Variants in RNF150 observed in about 807,000 individuals in gnomAD.
RNF150 encodes the protein ring finger protein 150.
RNF150 carries 24 observed loss-of-function variants against 39.3 expected under a neutral mutation model. That is an observed-to-expected ratio of 0.61 (90% CI 0.44 to 0.86). The LOEUF (loss-of-function observed/expected upper bound fraction) is 0.86, where lower values mean the gene tolerates loss of function less well. RNF150 is among the 40% of genes least tolerant of loss of function. RNF150 has a pLI of 0.00. For synonymous variants in RNF150, 255 were observed against 227.3 expected, an observed-to-expected ratio of 1.12 and a Z score of -1.10; for missense variants, 502 against 587.8, an observed-to-expected ratio of 0.85 and a Z score of 1.51.
At chr4:141,142,109 T>C (rs1278353278) in intron 1 of RNF150, among the ~76,000 whole-genome samples, 1 of 152,138 alleles carries the variant, frequency 6.6e-6, no homozygotes, top group African/African-American at 2.4e-5. Flanking sequence ...TTCCCTCCTG[T>C]CATGCCTTCC....
intron 3 of RNF150, 36 bp downstream of exon 3, chr4:140,949,265 T>A (rs759419357): frequency 6.5e-7 from 1 of 1,537,014 alleles, no homozygotes; most frequent in South Asian, 1.2e-5. Flanking sequence ...CTTCTTTGAA[T>A]AGCTCCTCAC....
intron 6 of RNF150, among the ~76,000 whole-genome samples, chr4:140,883,031 G>T (rs1468637607): frequency 6.6e-6 from 1 of 150,630 alleles, no homozygotes; most frequent in Non-Finnish European, 1.5e-5. Context: ...TATATACTTT[G>T]ATTTGTTTCT....
chr4:141,151,111 T>C (rs1235773175), intron 1 of RNF150, among the ~76,000 whole-genome samples: 1 of 151,938 alleles, frequency 6.6e-6, no homozygotes, highest in Non-Finnish European at 1.5e-5. Context: ...GGCTAAGTTT[T>C]TAATATTTTT....
intron 1 of RNF150, among the ~76,000 whole-genome samples, chr4:140,992,018 T>C (rs1365368307): frequency 1.3e-5 from 2 of 152,108 alleles, no homozygotes; most frequent in African/African-American, 4.8e-5. Flanking sequence ...ACTAATAATA[T>C]CTGAAAAATT....
intron 6 of RNF150, among the ~76,000 whole-genome samples, chr4:140,891,515 C>T (rs1729753103): frequency 2.0e-5 from 3 of 152,146 alleles, no homozygotes; most frequent in African/African-American, 7.2e-5. Context: ...CTGCAACAAG[C>T]CCAGCTGAGA....
At chr4:140,903,760 A>AATC (rs1169724305) in intron 6 of RNF150, among the ~76,000 whole-genome samples, 1 of 152,234 alleles carries the variant, frequency 6.6e-6, no homozygotes, top group African/African-American at 2.4e-5. Context: ...GAATGGATTT[A>AATC]ATCTGTTGGC....
chr4:140,955,101 G>A (rs1472310858), intron 2 of RNF150, among the ~76,000 whole-genome samples: 1 of 152,188 alleles, frequency 6.6e-6, no homozygotes, highest in Non-Finnish European at 1.5e-5. Context: ...AAGAGTGACT[G>A]AAACGTTTTC....
At chr4:140,887,305 G>A (rs923823858) in intron 6 of RNF150, among the ~76,000 whole-genome samples, 6 of 152,204 alleles carry the variant, frequency 3.9e-5, no homozygotes, top group African/African-American at 1.4e-4. Flanking sequence ...AGCCTGTAAT[G>A]AGATTTGATA....
intron 1 of RNF150, among the ~76,000 whole-genome samples, chr4:141,091,795 C>A (rs1200564434): frequency 6.6e-6 from 1 of 152,126 alleles, no homozygotes; most frequent in African/African-American, 2.4e-5. Context: ...TCATATGAAA[C>A]AAGCTACCAA....
intron 1 of RNF150, among the ~76,000 whole-genome samples, chr4:141,122,922 C>T (rs1726652628): frequency 6.6e-6 from 1 of 152,168 alleles, no homozygotes; most frequent in Non-Finnish European, 1.5e-5. Flanking sequence ...AACACATGCA[C>T]AGAATTGTAT....
intron 1 of RNF150, among the ~76,000 whole-genome samples, chr4:141,158,560 T>C (rs2111153714): frequency 6.6e-6 from 1 of 152,316 alleles, no homozygotes; most frequent in East Asian, 1.9e-4. Flanking sequence ...CTTTAGGAAT[T>C]ACAACTATAG....
chr4:141,167,485 A>T (rs906798336), intron 1 of RNF150, among the ~76,000 whole-genome samples: 2 of 152,188 alleles, frequency 1.3e-5, no homozygotes, highest in African/African-American at 4.8e-5. Context: ...CCATATAGCC[A>T]AGACAATTTT....
chr4:141,053,516 C>A, intron 1 of RNF150: 1 of 419,870 alleles, frequency 2.4e-6, no homozygotes, highest in African/African-American at 2.0e-5. Context: ...TTCAGGAAAA[C>A]AAGCATTTAG....
chr4:141,007,518 C>CT (rs1208892102), intron 1 of RNF150, among the ~76,000 whole-genome samples: 1 of 152,128 alleles, frequency 6.6e-6, no homozygotes, highest in East Asian at 1.9e-4. Context: ...TTTTGACAAC[C>CT]TTAGGGAGTC....
intron 1 of RNF150, among the ~76,000 whole-genome samples, chr4:141,087,820 T>G (rs1460954763): frequency 6.6e-6 from 1 of 152,206 alleles, no homozygotes; most frequent in Non-Finnish European, 1.5e-5. Flanking sequence ...TTTGTAACAC[T>G]GTTTCATGGA....
At chr4:141,113,896 G>C (rs149813687) in intron 1 of RNF150, among the ~76,000 whole-genome samples, 1 of 152,088 alleles carries the variant, frequency 6.6e-6, no homozygotes, top group Non-Finnish European at 1.5e-5. Flanking sequence ...CATCGAAACT[G>C]AACAACCTTC....
intron 1 of RNF150, among the ~76,000 whole-genome samples, chr4:140,970,305 C>T (rs890667300): frequency 1.3e-5 from 2 of 152,106 alleles, no homozygotes; most frequent in African/African-American, 2.4e-5. Flanking sequence ...GATTAGGATG[C>T]AATTTTTTCC....
chr4:141,026,136 T>TA (rs1735687109), intron 1 of RNF150, among the ~76,000 whole-genome samples: 1 of 152,144 alleles, frequency 6.6e-6, no homozygotes. Context: ...AATAAATTGT[T>TA]ATTCAAGTCA....
At chr4:141,044,676 A>G (rs942825678) in intron 1 of RNF150, among the ~76,000 whole-genome samples, 4 of 152,194 alleles carry the variant, frequency 2.6e-5, no homozygotes, top group African/African-American at 4.8e-5. Context: ...ATCAGAAGCC[A>G]GGTACCCCCT....
Sources: allele counts gnomAD v4.1 joint callset (sites outside exome capture counted in the v4.1 genomes callset), GRCh38; gene constraint gnomAD v4.1.1; transcripts MANE v1.5; gene names NCBI Gene and HGNC (gene_info 2026-07-23, HGNC 2026-07-21).